The following DLGAP2 variants were observed in gnomAD, a reference collection of about 807,000 sequenced individuals.
DLGAP2 encodes the protein disks large-associated protein 2.
DLGAP2 carries 26 observed loss-of-function variants against 100.3 expected under a neutral mutation model. That is an observed-to-expected ratio of 0.26 (90% CI 0.19 to 0.36). The LOEUF is 0.36. DLGAP2 is among the 10% of genes least tolerant of loss of function. DLGAP2 has a pLI of 1.00. For synonymous variants in DLGAP2, 886 were observed against 630.1 expected (o/e 1.41, Z -6.08); for missense variants, 1,858 against 1,453.2 (o/e 1.28, Z -4.53).
intron 3 of DLGAP2, among the ~76,000 whole-genome samples, chr8:1,345,466 T>C (rs1801534075): frequency 6.6e-6 from 1 of 152,238 alleles, no homozygotes; most frequent in South Asian, 2.1e-4. Flanking sequence ...ATGATTTCAC[T>C]CTCTCTCCCT....
At chr8:1,505,832 T>C (rs770013559) in intron 4 of DLGAP2, among the ~76,000 whole-genome samples, 1 of 152,212 alleles carries the variant, frequency 6.6e-6, no homozygotes, top group Non-Finnish European at 1.5e-5. Context: ...TTTTCCCGAA[T>C]GTTATATTTA....
intron 6 of DLGAP2, among the ~76,000 whole-genome samples, chr8:1,613,032 C>G (rs1361215630): frequency 7.9e-6 from 1 of 126,210 alleles, no homozygotes; most frequent in East Asian, 2.3e-4. Flanking sequence ...CCCAGCCATC[C>G]CATTACTGGG....
chr8:777,179 C>CT (rs1197112285), intron 1 of DLGAP2, among the ~76,000 whole-genome samples: 15 of 151,814 alleles, frequency 9.9e-5, no homozygotes, highest in South Asian at 4.2e-4. Flanking sequence ...CAACCCCTGC[C>CT]TTTTTTTGTT....
At position 1,102,149 on chromosome 8, in the gene DLGAP2, A is replaced by C. The variant is rs1233458516; in HGVS notation, c.74-156702A>C. ...ATTCAATATAAATTAGTAAAAGCTT[A>C]ATATATATTCAAGCTTTTACTAATT... On this transcript the variant is annotated intron_variant, in intron 2 of 14. Transcript: ENST00000637795. 6.7e-5 allele frequency among the ~76,000 whole-genome samples: 10 copies of C among 150,150 alleles called. No homozygotes were observed. In the Admixed American group the frequency reaches 6.7e-4, roughly 10 times the overall value.
At chr8:1,359,721 C>T (rs939213799) in intron 3 of DLGAP2, among the ~76,000 whole-genome samples, 3 of 152,228 alleles carry the variant, frequency 2.0e-5, no homozygotes, top group Admixed American at 6.5e-5. Context: ...AAAACCCGCG[C>T]GTTCCCTGCG....
chr8:1,170,712 G>A (rs1302913974), intron 2 of DLGAP2, among the ~76,000 whole-genome samples: 2 of 149,082 alleles, frequency 1.3e-5, no homozygotes, highest in Non-Finnish European at 3.0e-5. Context: ...TTGTATTTCT[G>A]TGGGATCGGT....
intron 2 of DLGAP2, among the ~76,000 whole-genome samples, chr8:1,150,262 A>AGTT (rs1796674955): frequency 6.6e-6 from 1 of 152,210 alleles, no homozygotes; most frequent in Non-Finnish European, 1.5e-5. Flanking sequence ...GTAAGTTGGC[A>AGTT]GTTATCTGTT....
At chr8:1,460,245 C>T (rs560586650) in intron 3 of DLGAP2, among the ~76,000 whole-genome samples, 74 of 152,348 alleles carry the variant, frequency 4.9e-4, no homozygotes, top group African/African-American at 1.7e-3. Context: ...TCCAATACAA[C>T]AGAGCCATGT....
chr8:1,325,174 G>T (rs116809417), intron 3 of DLGAP2, among the ~76,000 whole-genome samples: 1 of 152,176 alleles, frequency 6.6e-6, no homozygotes, highest in Non-Finnish European at 1.5e-5. Flanking sequence ...CCCAGAGCTG[G>T]TGTAGCGGAT....
At chr8:1,511,108 G>A (rs942234505) in intron 4 of DLGAP2, among the ~76,000 whole-genome samples, 11 of 152,234 alleles carry the variant, frequency 7.2e-5, no homozygotes, top group South Asian at 4.1e-4. Context: ...CTGTGGAACC[G>A]AAAATAAATT....
At position 793,244 on chromosome 8, in the gene DLGAP2, A is replaced by G. The variant is rs1309218894; in HGVS notation, c.18+55419A>G. On this transcript the variant is annotated intron_variant, in intron 1 of 14. Transcript: ENST00000637795. ...TGTCTAAAAATATGTTTATTCCCAC[A>G]TAAAATCTAATTTTACGGAGCATTG... Among the ~76,000 whole-genome samples the G allele has an allele frequency of 2.6e-5, 4 of 152,354 alleles. No homozygotes were observed. In the East Asian group the frequency reaches 7.7e-4, roughly 29 times the overall value.
intron 2 of DLGAP2, among the ~76,000 whole-genome samples, chr8:926,441 A>C (rs1290569428): frequency 6.6e-6 from 1 of 151,854 alleles, no homozygotes; most frequent in Non-Finnish European, 1.5e-5. Flanking sequence ...GTGTGTTTCC[A>C]CTGCTCCATC....
At chr8:920,009 C>T (rs1269369203) in intron 2 of DLGAP2, among the ~76,000 whole-genome samples, 1 of 152,218 alleles carries the variant, frequency 6.6e-6, no homozygotes, top group African/African-American at 2.4e-5. Context: ...GGAGCTCATG[C>T]CCAGCAGGAT....
chr8:1,631,173 G>C (rs111482534), intron 7 of DLGAP2, among the ~76,000 whole-genome samples: 2,521 of 152,190 alleles, frequency 0.017, 72 homozygotes, highest in African/African-American at 0.057. Context: ...TTCATGTCTA[G>C]AACCTCACTG....
At chr8:1,211,306 G>T (rs974394813) in intron 2 of DLGAP2, among the ~76,000 whole-genome samples, 1 of 152,212 alleles carries the variant, frequency 6.6e-6, no homozygotes, top group Non-Finnish European at 1.5e-5. Context: ...GGTCTAATCA[G>T]TGGAGCCTGT....
At chr8:951,653 G>A (rs1799483035) in intron 2 of DLGAP2, among the ~76,000 whole-genome samples, 1 of 152,162 alleles carries the variant, frequency 6.6e-6, no homozygotes, top group Non-Finnish European at 1.5e-5. Context: ...TAATAACTCA[G>A]AAGATGTGTA....
Position 1,465,825 on chromosome 8 carries a change from G to A in DLGAP2, c.107-35541G>A, listed in dbSNP as rs148007237. 2.8e-3 allele frequency among the ~76,000 whole-genome samples: 423 copies of A among 152,350 alleles called. 4 individuals are homozygous for A. In the Middle Eastern group the frequency reaches 0.031, roughly 11 times the overall value. ...TGTGCCGCGTTTCTTCCTCAGGGGC[G>A]TGAGGTAGGACCCTCTGGGGTGAGG... On this transcript the variant is annotated intron_variant, in intron 3 of 14. Transcript: ENST00000637795.
At chr8:876,880 C>T in intron 1 of DLGAP2, among the ~76,000 whole-genome samples, 1 of 150,862 alleles carries the variant, frequency 6.6e-6, no homozygotes, top group East Asian at 1.9e-4. Context: ...TTGCAGTTTG[C>T]TTATTCCTTT....
chr8:848,821 TTGTTCCAGTCTAGGATCTTGTGATGTG>T (rs1283526742), intron 1 of DLGAP2, among the ~76,000 whole-genome samples: 1 of 151,604 alleles, frequency 6.6e-6, no homozygotes, highest in African/African-American at 2.4e-5. Context: ...GTGCCAGGGT[TTGTTCCAGTCTAGGATCTTGTGATGTG>T]TGTTCCAGCA....
Sources: gnomAD v4.1 joint callset for allele counts (sites outside exome capture counted in the v4.1 genomes callset) on GRCh38, gnomAD v4.1.1 for gene constraint, MANE v1.5 for transcripts, NCBI Gene and HGNC (gene_info 2026-07-23, HGNC 2026-07-21) for gene names.